OSBPL2: variants seen among roughly 807,000 people sequenced by gnomAD.
OSBPL2 encodes oxysterol-binding protein-related protein 2.
In OSBPL2, 18 loss-of-function variants were observed where a neutral mutation model predicts 58.4. The observed-to-expected ratio is 0.31, with a 90% confidence interval of 0.21 to 0.46. The LOEUF (loss-of-function observed/expected upper bound fraction) is 0.46. Among genes scored for constraint, OSBPL2 ranks in the 20% least tolerant of loss-of-function variants. The pLI, the probability that OSBPL2 is intolerant of heterozygous loss-of-function variation, is 1.00. For missense variants in OSBPL2, 461 were observed against 616.5 expected, an observed-to-expected ratio of 0.75 and a Z score of 2.67; for synonymous variants, 221 against 234.1, an observed-to-expected ratio of 0.94 and a Z score of 0.51.
At chr20:62,293,700 G>T in intron 13 of OSBPL2, 85 bp from the exon 14 acceptor site, 1 of 1,199,074 alleles carries the variant, frequency 8.3e-7, no homozygotes, top group East Asian at 2.7e-5. Flanking sequence ...GCTGAGTTGG[G>T]GGAACACACT....
chr20:62,263,492 G>T (rs567899605), intron 3 of OSBPL2, 124 bp from the exon 4 acceptor site: 266 of 774,300 alleles, frequency 3.4e-4, no homozygotes, highest in Non-Finnish European at 5.5e-4. Flanking sequence ...AGGCATGCCA[G>T]AATGTAGAAA....
At chr20:62,247,243 G>A (rs1295346420) in intron 1 of OSBPL2, among the ~76,000 whole-genome samples, 3 of 152,246 alleles carry the variant, frequency 2.0e-5, no homozygotes. Context: ...GCTTGAGTGA[G>A]TGCAGGGATG....
At chr20:62,254,215 A>T (rs1274715741) in intron 1 of OSBPL2, among the ~76,000 whole-genome samples, 1 of 152,222 alleles carries the variant, frequency 6.6e-6, no homozygotes, top group Non-Finnish European at 1.5e-5. Context: ...GTCACATGGC[A>T]GTCAGATCTC....
intron 13 of OSBPL2, among the ~76,000 whole-genome samples, chr20:62,292,246 TG>T (rs1254441778): frequency 6.6e-5 from 10 of 152,258 alleles, no homozygotes; most frequent in African/African-American, 2.4e-4. Context: ...GGTGAGTGTA[TG>T]GGTGAGGTCC....
chr20:62,267,924 C>T (rs1426269405), intron 4 of OSBPL2, among the ~76,000 whole-genome samples: 1 of 151,940 alleles, frequency 6.6e-6, no homozygotes, highest in Non-Finnish European at 1.5e-5. Context: ...GCTCTGTCGC[C>T]CAGGCTAGAG....
rs779730184 is a variant in OSBPL2, at chr20:62,286,562, C to G, written c.997-21C>G. On this transcript the variant is annotated intron_variant, in intron 10 of 13. Coordinates refer to ENST00000313733, the MANE Select transcript of OSBPL2 (RefSeq NM_144498.4). ...AGCGGCCTGGCCCCGGGCAGCCACA[C>G]AGCAGGGTTCTGTGTTTCAGGATGA... The G allele has an allele frequency of 7.5e-6, 12 of 1,605,934 alleles. No homozygotes were observed. In the East Asian group the frequency reaches 2.7e-4, roughly 36 times the overall value.
rs997924807 is a variant in OSBPL2, at chr20:62,247,440, G to A, written c.-128-8617G>A. ...CCCCACGCCGCAGCTGCCTCCCTGC[G>A]AAGCTCAGCGGGACCGCGGGGACTG... On this transcript the variant is annotated intron_variant, in intron 1 of 13. Transcript: ENST00000313733. Among the ~76,000 whole-genome samples the A allele has an allele frequency of 1.3e-4, 20 of 152,296 alleles. 1 individual carries two copies. The South Asian group carries it at 2.3e-3, about 17-fold the overall frequency.
At position 62,291,746 on chromosome 20, in the gene OSBPL2, A is replaced by G; in HGVS notation, c.1293A>G (p.Arg431=). 6.2e-7 allele frequency: 1 copy of G among 1,613,436 alleles called. No individual in the cohort carries two copies. The highest frequency in any genetic ancestry group is 1.1e-5 in the South Asian group (1 of 91,086). The change falls in exon 13 of 14, where the codon AGA becomes AGG. Residue 431 remains arginine (R), a synonymous_variant. Coordinates refer to ENST00000313733, the MANE Select transcript of OSBPL2 (RefSeq NM_144498.4). ...QEKERLEEKQ[R]EARRERAKEE... ...AGGAGCGGCTGGAGGAGAAGCAGAG[A>G]GAAGCACGGAGGGAGCGGGCCAAGG...
intron 1 of OSBPL2, among the ~76,000 whole-genome samples, chr20:62,250,560 T>G (rs756478627): frequency 2.0e-5 from 3 of 152,200 alleles, no homozygotes; most frequent in Non-Finnish European, 4.4e-5. Flanking sequence ...TTTTAAAGAT[T>G]TCCCATAAGC....
chr20:62,242,477 G>A (rs1162842979), intron 1 of OSBPL2: 2 of 152,360 alleles, frequency 1.3e-5, no homozygotes, highest in Non-Finnish European at 2.9e-5. Flanking sequence ...CGTGCCTGAT[G>A]TTTGTGGCTG....
chr20:62,275,210 TGA>T (rs1215825249), intron 6 of OSBPL2, among the ~76,000 whole-genome samples: 1 of 152,178 alleles, frequency 6.6e-6, no homozygotes, highest in Non-Finnish European at 1.5e-5. Flanking sequence ...TTAAAAAAAA[TGA>T]GAGGAACTGT....
chr20:62,291,142 A>T (rs1983480733), intron 12 of OSBPL2: 2 of 180,956 alleles, frequency 1.1e-5, no homozygotes, highest in Non-Finnish European at 2.4e-5. Flanking sequence ...GGATGCAGGC[A>T]TGAGCCACCG....
At chr20:62,267,729 C>T (rs533022248) in intron 4 of OSBPL2, among the ~76,000 whole-genome samples, 5 of 152,268 alleles carry the variant, frequency 3.3e-5, no homozygotes, top group South Asian at 2.1e-4. Context: ...AGATTTAGAC[C>T]GGCACGCAGT....
chr20:62,281,530 T>C (rs996778399), intron 8 of OSBPL2: 6 of 508,630 alleles, frequency 1.2e-5, no homozygotes, highest in African/African-American at 5.7e-5. Context: ...TTCACCACTT[T>C]AGTGAGGTAT....
At chr20:62,260,702 C>CAA (rs1981241384) in intron 3 of OSBPL2, among the ~76,000 whole-genome samples, 2 of 152,160 alleles carry the variant, frequency 1.3e-5, no homozygotes, top group Non-Finnish European at 2.9e-5. Context: ...AGTCTTCAGT[C>CAA]CTTGGCTGGT....
intron 4 of OSBPL2, chr20:62,271,758 C>A: frequency 4.5e-6 from 1 of 224,092 alleles, no homozygotes; most frequent in South Asian, 8.5e-5. Context: ...AGCCTGGGAC[C>A]ACTACTCTGG....
At chr20:62,286,965 G>A (rs1983172880) in intron 11 of OSBPL2, among the ~76,000 whole-genome samples, 1 of 152,268 alleles carries the variant, frequency 6.6e-6, no homozygotes, top group South Asian at 2.1e-4. Context: ...AGGACATGCA[G>A]GTCGAGGTGT....
intron 6 of OSBPL2, among the ~76,000 whole-genome samples, chr20:62,274,597 G>T (rs761157029): frequency 6.6e-6 from 1 of 152,226 alleles, no homozygotes; most frequent in African/African-American, 2.4e-5. Flanking sequence ...TCCGACTGTC[G>T]AGGTAGCCCA....
intron 12 of OSBPL2, among the ~76,000 whole-genome samples, chr20:62,290,154 C>G (rs1203617304): frequency 6.6e-6 from 1 of 152,182 alleles, no homozygotes; most frequent in Non-Finnish European, 1.5e-5. Context: ...CTTTCTCACT[C>G]ACTCATCTAG....
Sources: allele counts gnomAD v4.1 joint callset (sites outside exome capture counted in the v4.1 genomes callset), GRCh38; gene constraint gnomAD v4.1.1; transcripts MANE v1.5; gene names NCBI Gene and HGNC (gene_info 2026-07-23, HGNC 2026-07-21).